Variants in PSMA5 observed in about 807,000 individuals in gnomAD.
PSMA5 encodes the protein proteasome 20S subunit alpha 5.
PSMA5 carries 3 observed loss-of-function variants against 34.5 expected under a neutral mutation model. The observed-to-expected ratio is 0.09, with a 90% CI of 0.04 to 0.22. The LOEUF is 0.22. Ranked by LOEUF, PSMA5 falls within the 10% of genes least tolerant of loss-of-function variation. The probability of loss-of-function intolerance (pLI) is 1.00; values close to 1 mark genes in which losing one functional copy is unlikely to be tolerated. For synonymous variants in PSMA5, 88 were observed against 95.8 expected (o/e 0.92, Z 0.47); for missense variants, 120 against 286.1 (o/e 0.42, Z 4.19).
At chr1:109,424,176 T>C (rs1029889678) in intron 1 of PSMA5, among the ~76,000 whole-genome samples, 2 of 152,208 alleles carry the variant, frequency 1.3e-5, no homozygotes, top group Admixed American at 6.5e-5. Flanking sequence ...TTTGTGAAGT[T>C]TTCCATGATC....
intron 2 of PSMA5, among the ~76,000 whole-genome samples, chr1:109,417,783 A>C (rs142320314): frequency 6.6e-6 from 1 of 152,296 alleles, no homozygotes; most frequent in East Asian, 1.9e-4. Flanking sequence ...TTTTTGACCA[A>C]AAGCCACAGT....
At chr1:109,411,488 G>A (rs573371725) in intron 6 of PSMA5, among the ~76,000 whole-genome samples, 4 of 152,046 alleles carry the variant, frequency 2.6e-5, no homozygotes, top group Admixed American at 2.6e-4. Flanking sequence ...GTTCCAATAG[G>A]GGAATTCTTC....
rs1452089736 is a variant in PSMA5 at position 109,426,341 on chromosome 1, G to A, written c.-11C>T. On this transcript the variant is annotated 5_prime_UTR_variant, in exon 1 of 9. Coordinates refer to ENST00000271308, the MANE Select transcript of PSMA5 (RefSeq NM_002790.4). ...CCGGGTAAGAAACATGGCGAGGGTA[G>A]GAGGAGGCAGCGGCTACGCGGGGAT... 4.3e-6 allele frequency: 7 copies of A among 1,614,020 alleles called. No individual in the cohort carries two copies. The highest frequency in any genetic ancestry group is 1.6e-4 in the Middle Eastern group (1 of 6,084).
At chr1:109,407,800 C>T (rs1056039801) in intron 8 of PSMA5, among the ~76,000 whole-genome samples, 19 of 152,034 alleles carry the variant, frequency 1.2e-4, no homozygotes, top group Non-Finnish European at 2.8e-4. Context: ...CACCACCACA[C>T]CCAGCTAATT....
chr1:109,421,141 G>A (rs903008263), intron 2 of PSMA5, among the ~76,000 whole-genome samples: 1 of 152,048 alleles, frequency 6.6e-6, no homozygotes, highest in African/African-American at 2.4e-5. Flanking sequence ...GAGCTAAGAT[G>A]GTGTCACTGT....
At chr1:109,412,233 G>A (rs559146761) in intron 4 of PSMA5, 49 bp from the exon 5 acceptor site, 2 of 1,456,740 alleles carry the variant, frequency 1.4e-6, no homozygotes, top group East Asian at 4.5e-5. Flanking sequence ...GGACATTAAA[G>A]CAGCCCACCA....
intron 8 of PSMA5, among the ~76,000 whole-genome samples, chr1:109,406,323 G>T (rs1653760779): frequency 6.6e-6 from 1 of 152,174 alleles, no homozygotes; most frequent in Non-Finnish European, 1.5e-5. Flanking sequence ...GGCAATAAAG[G>T]TGAAAAAATA....
intron 2 of PSMA5, among the ~76,000 whole-genome samples, chr1:109,420,271 A>G (rs972886578): frequency 6.6e-6 from 1 of 152,170 alleles, no homozygotes; most frequent in Non-Finnish European, 1.5e-5. Context: ...GGGTCACCCT[A>G]TCCCCACCTC....
chr1:109,425,010 G>A (rs567852976), intron 1 of PSMA5, among the ~76,000 whole-genome samples: 43 of 140,436 alleles, frequency 3.1e-4, no homozygotes, highest in Admixed American at 1.0e-3. Context: ...CCCAGGAGGG[G>A]GAGGTTGCAG....
Position 109,401,118 on chromosome 1 carries a change from TATG to T in PSMA5, c.*892_*894del, listed in dbSNP as rs1653500399. The T allele has an allele frequency of 6.6e-6, 1 of 152,216 alleles. No individual in the cohort carries two copies. Among genetic ancestry groups the T allele is most frequent in the Non-Finnish European group, 1.5e-5 (1 of 68,038 alleles). The allele number at this position is 152,216 out of a possible 1,614,324, so 9.4% of individuals were successfully genotyped here. On this transcript the variant is annotated 3_prime_UTR_variant, in exon 9 of 9. Coordinates refer to ENST00000271308, the MANE Select transcript of PSMA5 (RefSeq NM_002790.4). The stretch of plus-strand genomic sequence containing the variant: ...TTCTTTAAACAATCTCCACCAATCA[TATG>T]ATGGCAGCTCTAATGGGGAAAGTTC...
Position 109,399,265 on chromosome 1 carries a change from CTAGAA to C in PSMA5, c.*2743_*2747del, listed in dbSNP as rs2100945143. ...CCATCTGAGCAGGATAGTAAAATCA[CTAGAA>C]TAGTCTTTTTAAGTTCTCAGTTACT... On this transcript the variant is annotated 3_prime_UTR_variant, in exon 9 of 9. Coordinates refer to ENST00000271308, the MANE Select transcript of PSMA5 (RefSeq NM_002790.4). 6.6e-6 allele frequency: 1 copy of C among 152,272 alleles called. No homozygotes were observed. Among genetic ancestry groups the C allele is most frequent in the South Asian group, 2.1e-4 (1 of 4,828 alleles). The allele number at this position is 152,272 out of a possible 1,614,324, so 9.4% of individuals were successfully genotyped here.
chr1:109,414,149 G>A (rs1190071289), intron 3 of PSMA5, among the ~76,000 whole-genome samples: 1 of 152,134 alleles, frequency 6.6e-6, no homozygotes, highest in Non-Finnish European at 1.5e-5. Flanking sequence ...CTTGTGACAT[G>A]GTATTTTATA....
At chr1:109,416,513 T>A (rs1357535394) in intron 2 of PSMA5, among the ~76,000 whole-genome samples, 1 of 152,246 alleles carries the variant, frequency 6.6e-6, no homozygotes, top group South Asian at 2.1e-4. Context: ...TCCATGACTA[T>A]GCTTTCTGCT....
intron 2 of PSMA5, among the ~76,000 whole-genome samples, chr1:109,419,009 C>T (rs1406234268): frequency 6.6e-6 from 1 of 151,862 alleles, no homozygotes; most frequent in Non-Finnish European, 1.5e-5. Context: ...GCAAAATTAG[C>T]CAGCGTGGTG....
chr1:109,421,462 C>CA (rs947075141), intron 2 of PSMA5, among the ~76,000 whole-genome samples: 3,759 of 73,472 alleles, frequency 0.051, 160 homozygotes, highest in African/African-American at 0.15. Flanking sequence ...GACTCCATCT[C>CA]AAAAAAAAAA....
At chr1:109,403,629 A>G (rs753392266) in intron 8 of PSMA5, among the ~76,000 whole-genome samples, 2 of 152,068 alleles carry the variant, frequency 1.3e-5, no homozygotes, top group Non-Finnish European at 2.9e-5. Flanking sequence ...GGCTCTGTCT[A>G]AAACAATAAA....
At chr1:109,420,350 GAAA>G (rs1654392051) in intron 2 of PSMA5, among the ~76,000 whole-genome samples, 2 of 152,008 alleles carry the variant, frequency 1.3e-5, no homozygotes, top group Admixed American at 6.6e-5. Context: ...CTTTCATAAT[GAAA>G]AGTCCATGGA....
rs1653650709 is a variant in PSMA5 at position 109,404,055 on chromosome 1, CT to C, written c.649-1966del. ...GCTTCTCTTGGCCAGGCGTGGTAGCCTGTAATTCCTTCAATTATGGCACTTT... is the reference window on the plus strand; with the variant it reads ...GCTTCTCTTGGCCAGGCGTGGTAGCCGTAATTCCTTCAATTATGGCACTTT... On this transcript the variant is annotated intron_variant, in intron 8 of 8. Transcript: ENST00000271308. 2.6e-5 allele frequency among the ~76,000 whole-genome samples: 4 copies of C among 152,184 alleles called. No individual in the cohort carries two copies. The South Asian group carries it at 8.3e-4, about 32-fold the overall frequency.
At chr1:109,424,799 C>T (rs1230894676) in intron 1 of PSMA5, among the ~76,000 whole-genome samples, 3 of 152,154 alleles carry the variant, frequency 2.0e-5, no homozygotes, top group African/African-American at 7.2e-5. Context: ...CCATCCTGGC[C>T]AACATGGTGA....
Sources: gnomAD v4.1 joint callset for allele counts (sites outside exome capture counted in the v4.1 genomes callset) on GRCh38, gnomAD v4.1.1 for gene constraint, MANE v1.5 for transcripts, NCBI Gene and HGNC (gene_info 2026-07-23, HGNC 2026-07-21) for gene names.